The following CTNNA3 variants were observed in gnomAD, a reference collection of about 807,000 sequenced individuals.
The protein encoded by CTNNA3 is catenin alpha 3, also known as catenin alpha-3.
A neutral mutation model predicts 95.7 loss-of-function variants in CTNNA3; 76 were observed. The observed-to-expected ratio is 0.79, with a 90% CI of 0.66 to 0.96. The LOEUF is 0.96. Ranked by LOEUF, CTNNA3 falls within the 40% of genes least tolerant of loss-of-function variation. The pLI is 0.00. For missense variants in CTNNA3, 1,191 were observed against 1,089.8 expected (o/e 1.09, Z -1.31); for synonymous variants, 431 against 374.4 (o/e 1.15, Z -1.74).
At chr10:67,339,285 A>G (rs1322077936) in intron 5 of CTNNA3, among the ~76,000 whole-genome samples, 1 of 152,152 alleles carries the variant, frequency 6.6e-6, no homozygotes, top group African/African-American at 2.4e-5. Flanking sequence ...TAGCTTACCT[A>G]TTAGTAATGC....
chr10:65,921,019 A>C (rs1019882634), intron 17 of CTNNA3, among the ~76,000 whole-genome samples: 5 of 152,160 alleles, frequency 3.3e-5, no homozygotes, highest in Non-Finnish European at 7.3e-5. Flanking sequence ...AAATAACCCT[A>C]ATACGCCAAT....
intron 7 of CTNNA3, among the ~76,000 whole-genome samples, chr10:66,977,377 A>G (rs998041822): frequency 2.6e-5 from 4 of 151,968 alleles, no homozygotes; most frequent in Admixed American, 1.3e-4. Context: ...CAGAGGTTGC[A>G]GTGAGCCAAG....
intron 13 of CTNNA3, among the ~76,000 whole-genome samples, chr10:66,171,829 A>T (rs966295252): frequency 1.3e-5 from 2 of 152,148 alleles, no homozygotes; most frequent in Non-Finnish European, 2.9e-5. Context: ...TACTTAGTAC[A>T]ATTAAACCAT....
chr10:66,564,597 T>A (rs571999694), intron 10 of CTNNA3, among the ~76,000 whole-genome samples: 1 of 152,314 alleles, frequency 6.6e-6, no homozygotes, highest in African/African-American at 2.4e-5. Context: ...CACATGTGAA[T>A]GCTGAGGTCT....
intron 3 of CTNNA3, among the ~76,000 whole-genome samples, chr10:67,602,190 T>TC (rs1445266217): frequency 2.2e-4 from 1 of 4,604 alleles, no homozygotes; most frequent in Non-Finnish European, 5.2e-4. Flanking sequence ...GACAAATACC[T>TC]TTAAAAAAAA....
chr10:66,199,797 A>C (rs1589710129), intron 13 of CTNNA3, among the ~76,000 whole-genome samples: 1 of 16,404 alleles, frequency 6.1e-5, no homozygotes, highest in Non-Finnish European at 1.3e-4. Context: ...ATATATATAT[A>C]TATATATATT....
chr10:66,623,191 TATATTAATTCAC>T (rs1844811509), intron 9 of CTNNA3, among the ~76,000 whole-genome samples: 1 of 152,114 alleles, frequency 6.6e-6, no homozygotes, highest in African/African-American at 2.4e-5. Flanking sequence ...TAATTTGTAT[TATATTAATTCAC>T]ACTGCATTTG....
intron 5 of CTNNA3, among the ~76,000 whole-genome samples, chr10:67,419,097 C>T (rs1385980572): frequency 6.6e-6 from 1 of 152,142 alleles, no homozygotes; most frequent in Admixed American, 6.5e-5. Context: ...TCTTCATGAA[C>T]TGTGCCCATG....
rs2077004299 is a variant in CTNNA3, at chr10:65,916,087, G to A, written c.*4243C>T. 1 of 151,878 alleles carries A rather than the reference G, an allele frequency of 6.6e-6. No homozygotes were observed. The highest frequency in any genetic ancestry group is 2.1e-4 in the South Asian group (1 of 4,808). The allele number at this position is 151,878 out of a possible 1,614,324, so 9.4% of individuals were successfully genotyped here. On this transcript the variant is annotated 3_prime_UTR_variant, in exon 18 of 18. Transcript: ENST00000433211. ...TAGTGGTAAAATGGAAAATACTAAT[G>A]CTGAACATATCATAATGGTATGGGA...
At chr10:67,101,563 T>C (rs1858345053) in intron 7 of CTNNA3, among the ~76,000 whole-genome samples, 1 of 151,730 alleles carries the variant, frequency 6.6e-6, no homozygotes, top group Admixed American at 6.6e-5. Flanking sequence ...TTTTGTCAAG[T>C]CTCTATTTCT....
At chr10:66,919,224 G>A (rs545268139) in intron 7 of CTNNA3, among the ~76,000 whole-genome samples, 2 of 151,820 alleles carry the variant, frequency 1.3e-5, no homozygotes, top group Admixed American at 6.6e-5. Flanking sequence ...TGTGGGAAGA[G>A]GTGTGAGTAT....
At chr10:66,642,942 C>A (rs1845570149) in intron 9 of CTNNA3, among the ~76,000 whole-genome samples, 1 of 151,982 alleles carries the variant, frequency 6.6e-6, no homozygotes, top group Non-Finnish European at 1.5e-5. Context: ...AAGCAGACCA[C>A]TAAAAAGACC....
intron 7 of CTNNA3, among the ~76,000 whole-genome samples, chr10:67,078,740 T>C (rs1856874016): frequency 6.6e-6 from 1 of 151,936 alleles, no homozygotes; most frequent in Non-Finnish European, 1.5e-5. Flanking sequence ...ATGGTCTCAA[T>C]CTCCTGACCT....
intron 2 of CTNNA3, among the ~76,000 whole-genome samples, chr10:67,620,263 G>A (rs1192885025): frequency 6.6e-6 from 1 of 152,080 alleles, no homozygotes; most frequent in Non-Finnish European, 1.5e-5. Flanking sequence ...GCACAGAGGT[G>A]CCCACAAGAT....
At chr10:67,114,742 G>C (rs1336476997) in intron 7 of CTNNA3, among the ~76,000 whole-genome samples, 1 of 144,470 alleles carries the variant, frequency 6.9e-6, no homozygotes, top group Non-Finnish European at 1.5e-5. Context: ...GTGTGTGTGT[G>C]TGTAGCATGT....
chr10:66,141,768 GTACT>G (rs2083632318), intron 13 of CTNNA3, among the ~76,000 whole-genome samples: 1 of 152,126 alleles, frequency 6.6e-6, no homozygotes, highest in African/African-American at 2.4e-5. Context: ...ACTTAAAATT[GTACT>G]TAGAGAGTCA....
intron 7 of CTNNA3, among the ~76,000 whole-genome samples, chr10:66,975,764 CCT>C (rs1849994180): frequency 6.6e-6 from 1 of 152,132 alleles, no homozygotes; most frequent in Non-Finnish European, 1.5e-5. Flanking sequence ...TTGGCTGTTT[CCT>C]CTATTTAGCA....
Position 65,918,732 on chromosome 10 carries a change from C to A in CTNNA3, c.*1598G>T, listed in dbSNP as rs2077037063. Reference sequence around the variant, plus strand: ...AGCTACTTGGAAGATTGAAATAATTCATTACAAGAAATTTAACATTTCCTG... The same window carrying A: ...AGCTACTTGGAAGATTGAAATAATTAATTACAAGAAATTTAACATTTCCTG... On this transcript the variant is annotated 3_prime_UTR_variant, in exon 18 of 18. Coordinates refer to ENST00000433211, the MANE Select transcript of CTNNA3 (RefSeq NM_013266.4). The A allele has an allele frequency of 6.6e-6, 1 of 151,932 alleles. No individual in the cohort carries two copies. Among genetic ancestry groups the A allele is most frequent in the African/African-American group, 2.4e-5 (1 of 41,410 alleles). 9.4% of individuals were successfully genotyped at this position (151,932 alleles called of 1,614,324 possible). A position where few individuals can be genotyped will look rare whatever the true frequency, so the allele number is the denominator to read the frequency against.
At chr10:66,263,281 C>T (rs2091060571) in intron 13 of CTNNA3, among the ~76,000 whole-genome samples, 1 of 151,832 alleles carries the variant, frequency 6.6e-6, no homozygotes, top group African/African-American at 2.4e-5. Flanking sequence ...AGACTAATGG[C>T]TCCCTGCAGA....
Sources: gnomAD v4.1 joint callset for allele counts (sites outside exome capture counted in the v4.1 genomes callset) on GRCh38, gnomAD v4.1.1 for gene constraint, MANE v1.5 for transcripts, NCBI Gene and HGNC (gene_info 2026-07-23, HGNC 2026-07-21) for gene names.